The following NECAB1 variants were observed in gnomAD, a reference collection of about 807,000 sequenced individuals.
The protein encoded by NECAB1 is N-terminal EF-hand calcium-binding protein 1.
In NECAB1, 29 loss-of-function variants were observed where a neutral mutation model predicts 57.5. The ratio of observed to expected loss-of-function variants is 0.50; its 90% CI spans 0.38 to 0.69. The LOEUF (loss-of-function observed/expected upper bound fraction) is 0.69. Ranked by LOEUF, NECAB1 falls within the 30% of genes least tolerant of loss-of-function variation. The pLI is 0.00. For synonymous variants in NECAB1, 142 were observed against 147.7 expected (o/e 0.96, Z 0.28); for missense variants, 372 against 413.8 (o/e 0.90, Z 0.88).
intron 9 of NECAB1, among the ~76,000 whole-genome samples, chr8:90,939,556 A>G (rs979845676): frequency 6.6e-6 from 1 of 152,206 alleles, no homozygotes; most frequent in Non-Finnish European, 1.5e-5. Context: ...AGGTGGATGT[A>G]TTTATATATC....
At chr8:90,855,337 G>A (rs1380229833) in intron 3 of NECAB1, among the ~76,000 whole-genome samples, 1 of 152,136 alleles carries the variant, frequency 6.6e-6, no homozygotes, top group African/African-American at 2.4e-5. Flanking sequence ...ATAGAAACAG[G>A]AGGTCTTCCT....
rs1811044728 is a variant in NECAB1, at chr8:90,956,980, G to GTGTGTC, written c.*1473_*1474insCTGTGT. 6.7e-6 allele frequency: 1 copy of GTGTGTC among 148,852 alleles called. No individual in the cohort carries two copies. The highest frequency in any genetic ancestry group is 1.5e-5 in the Non-Finnish European group (1 of 67,234). 9.2% of individuals were successfully genotyped at this position (148,852 alleles called of 1,614,324 possible). ...TGTGTGTGTGTGTGTGTGTGTGTGT[G>GTGTGTC]TGTGTATTTGTGTGCCTCTGGTCAA... On this transcript the variant is annotated 3_prime_UTR_variant, in exon 13 of 13. Coordinates refer to ENST00000417640, the MANE Select transcript of NECAB1 (RefSeq NM_022351.5).
intron 4 of NECAB1, among the ~76,000 whole-genome samples, chr8:90,873,495 G>A (rs1300697560): frequency 6.6e-6 from 1 of 152,214 alleles, no homozygotes; most frequent in Non-Finnish European, 1.5e-5. Flanking sequence ...GTCCTGGTCA[G>A]TGAAGTGAAA....
chr8:90,837,413 G>A (rs1290397822), intron 3 of NECAB1, among the ~76,000 whole-genome samples: 2 of 152,170 alleles, frequency 1.3e-5, no homozygotes, highest in Non-Finnish European at 2.9e-5. Context: ...TTGGACAAAG[G>A]GATGGTTTGC....
At chr8:90,809,168 C>T (rs1298156394) in intron 2 of NECAB1, among the ~76,000 whole-genome samples, 1 of 152,170 alleles carries the variant, frequency 6.6e-6, no homozygotes, top group Non-Finnish European at 1.5e-5. Flanking sequence ...GGAGTTGGTG[C>T]TTTGCGCCCA....
intron 2 of NECAB1, among the ~76,000 whole-genome samples, chr8:90,822,079 A>T (rs930787544): frequency 6.6e-6 from 1 of 151,832 alleles, no homozygotes; most frequent in African/African-American, 2.4e-5. Flanking sequence ...AAAGCTGAAA[A>T]ACCTGTACCC....
rs1186635676 is a variant in NECAB1 at position 90,955,745 on chromosome 8, A to G, written c.*233A>G. 13 of 408,652 alleles carry G rather than the reference A, an allele frequency of 3.2e-5. 1 individual carries two copies. The highest frequency in any genetic ancestry group is 1.2e-4 in the South Asian group (2 of 16,906). The allele number at this position is 408,652 out of a possible 1,614,324, so 25.3% of individuals were successfully genotyped here. A position where few individuals can be genotyped will look rare whatever the true frequency, so the allele number is the denominator to read the frequency against. ...TATTTAATGCTAAATGCTTTGCTAC[A>G]TTGTAACTCACCTAAAACCTTTTAG... On this transcript the variant is annotated 3_prime_UTR_variant, in exon 13 of 13. Coordinates refer to ENST00000417640, the MANE Select transcript of NECAB1 (RefSeq NM_022351.5).
intron 10 of NECAB1, among the ~76,000 whole-genome samples, chr8:90,942,427 A>T (rs1810693341): frequency 6.6e-6 from 1 of 152,190 alleles, no homozygotes; most frequent in African/African-American, 2.4e-5. Context: ...GAACACAGGA[A>T]ATGCTGTGTT....
intron 9 of NECAB1, among the ~76,000 whole-genome samples, chr8:90,938,694 C>G (rs1160423773): frequency 6.6e-6 from 1 of 152,170 alleles, no homozygotes; most frequent in African/African-American, 2.4e-5. Context: ...AAAGATACAT[C>G]TGGTTTGGGT....
chr8:90,907,987 A>G (rs933727393), intron 5 of NECAB1, among the ~76,000 whole-genome samples: 6 of 152,176 alleles, frequency 3.9e-5, no homozygotes, highest in Non-Finnish European at 8.8e-5. Context: ...TTCTTCTGTC[A>G]CAAAATTTGT....
rs925881553 is a variant in NECAB1 at position 90,957,853 on chromosome 8, A to G, written c.*2341A>G. ...AATAAAAAAAAATTTAAAAAATTAA[A>G]AAATAAAAAAAAGAGGTCACTAAAA... On this transcript the variant is annotated 3_prime_UTR_variant, in exon 13 of 13. Coordinates refer to ENST00000417640, the MANE Select transcript of NECAB1 (RefSeq NM_022351.5). 7 of 150,782 alleles carry G rather than the reference A, an allele frequency of 4.6e-5. No individual in the cohort carries two copies. The highest frequency in any genetic ancestry group is 1.5e-5 in the Non-Finnish European group (1 of 67,446). The allele number at this position is 150,782 out of a possible 1,614,324, so 9.3% of individuals were successfully genotyped here.
intron 5 of NECAB1, among the ~76,000 whole-genome samples, chr8:90,913,079 A>T (rs1681387113): frequency 1.3e-5 from 2 of 152,190 alleles, no homozygotes; most frequent in African/African-American, 4.8e-5. Flanking sequence ...CTGATGCTCT[A>T]ATTTTCCTAA....
intron 3 of NECAB1, among the ~76,000 whole-genome samples, chr8:90,849,580 TA>T (rs567392665): frequency 2.0e-5 from 3 of 151,360 alleles, no homozygotes; most frequent in Non-Finnish European, 4.4e-5. Context: ...AAGATTGACT[TA>T]TAGGTTAATA....
rs564241900 is a variant in NECAB1 at position 90,949,881 on chromosome 8, A to G, written c.935A>G (p.Asn312Ser). The change falls in exon 11 of 13, where the codon AAT becomes AGT. Residue 312 changes from asparagine (N) to serine (S), a missense_variant. Asn to Ser is a conservative substitution (Grantham distance 46). Transcript: ENST00000417640. ...YEFWENSSVW[N>S]SHLQTNYSKT... is the part of the protein sequence containing the mutation. The stretch of plus-strand genomic sequence containing the variant: ...TTCTGGGAGAATAGTAGTGTATGGA[A>G]TAGGTAAGTTGTGAGCAAGCCTGAT... The G allele has an allele frequency of 1.2e-5, 19 of 1,594,974 alleles. No individual in the cohort carries two copies. Among genetic ancestry groups the G allele is most frequent in the Non-Finnish European group, 1.5e-5 (18 of 1,166,492 alleles).
chr8:90,907,147 T>TGAGAGAGA (rs1310639488), intron 5 of NECAB1, among the ~76,000 whole-genome samples: 21 of 106,604 alleles, frequency 2.0e-4, no homozygotes, highest in African/African-American at 3.0e-4. Flanking sequence ...TGTGTGTGTG[T>TGAGAGAGA]GTGTGAGAGA....
intron 12 of NECAB1, among the ~76,000 whole-genome samples, chr8:90,953,968 C>G (rs1810967208): frequency 6.6e-6 from 1 of 151,824 alleles, no homozygotes; most frequent in Non-Finnish European, 1.5e-5. Flanking sequence ...ACTTGGTAGG[C>G]TGATGCAGGA....
At chr8:90,948,676 G>A (rs189360292) in intron 10 of NECAB1, among the ~76,000 whole-genome samples, 252 of 152,064 alleles carry the variant, frequency 1.7e-3, no homozygotes, top group Non-Finnish European at 2.7e-3. Flanking sequence ...GTTTTTAAAG[G>A]CATCTTTATT....
At chr8:90,817,705 A>G (rs901414064) in intron 2 of NECAB1, among the ~76,000 whole-genome samples, 1 of 151,552 alleles carries the variant, frequency 6.6e-6, no homozygotes, top group African/African-American at 2.4e-5. Flanking sequence ...GTTGGATTTG[A>G]TTTGCTAATA....
intron 3 of NECAB1, among the ~76,000 whole-genome samples, chr8:90,865,557 C>T (rs182943199): frequency 2.0e-5 from 3 of 152,298 alleles, no homozygotes; most frequent in African/African-American, 7.2e-5. Flanking sequence ...TGTTGACAGC[C>T]TTACCTTATG....
Sources: allele counts gnomAD v4.1 joint callset (sites outside exome capture counted in the v4.1 genomes callset), GRCh38; gene constraint gnomAD v4.1.1; transcripts MANE v1.5; gene names NCBI Gene and HGNC (gene_info 2026-07-23, HGNC 2026-07-21).